Variants in RAP1GAP2 observed in about 807,000 individuals in gnomAD.
The protein encoded by RAP1GAP2 is RAP1 GTPase activating protein 2, also known as rap1 GTPase-activating protein 2.
RAP1GAP2 carries 27 observed loss-of-function variants against 95.0 expected under a neutral mutation model. The observed-to-expected ratio is 0.28, with a 90% CI of 0.21 to 0.39. The LOEUF (loss-of-function observed/expected upper bound fraction) is 0.39. RAP1GAP2 is among the 10% of genes least tolerant of loss of function. RAP1GAP2 has a pLI of 1.00. For missense variants in RAP1GAP2, 771 were observed against 970.0 expected (o/e 0.79, Z 2.72); for synonymous variants, 373 against 380.9 (o/e 0.98, Z 0.24).
At chr17:2,977,397 C>T (rs1458580579) in intron 8 of RAP1GAP2, among the ~76,000 whole-genome samples, 1 of 152,088 alleles carries the variant, frequency 6.6e-6, no homozygotes, top group Non-Finnish European at 1.5e-5. Flanking sequence ...ATGTCACAGA[C>T]TAGTTTTAGC....
At chr17:2,994,141 TG>T (rs1431444414) in intron 12 of RAP1GAP2, among the ~76,000 whole-genome samples, 1 of 152,186 alleles carries the variant, frequency 6.6e-6, no homozygotes. Flanking sequence ...CTTTATTTTA[TG>T]GAGGCCTAGA....
intron 3 of RAP1GAP2, among the ~76,000 whole-genome samples, chr17:2,932,842 A>AAAAAAAACAGG (rs140254643): frequency 1.1e-5 from 1 of 94,170 alleles, no homozygotes; most frequent in Non-Finnish European, 2.0e-5. Flanking sequence ...AAAAAAAAAA[A>AAAAAAAACAGG]AGAGCAGGGA....
chr17:2,957,831 C>G, intron 4 of RAP1GAP2, 37 bp downstream of exon 4: 1 of 1,560,556 alleles, frequency 6.4e-7, no homozygotes, highest in Non-Finnish European at 8.7e-7. Context: ...GGAAGAAGCC[C>G]AGCCCCAGAT....
intron 2 of RAP1GAP2, among the ~76,000 whole-genome samples, chr17:2,884,212 C>G (rs911002029): frequency 1.3e-5 from 2 of 152,136 alleles, no homozygotes; most frequent in Non-Finnish European, 2.9e-5. Context: ...GTACTCAATT[C>G]CAGGCTTTGC....
rs1034668237 is a variant in RAP1GAP2, at chr17:3,004,250, T to G, written c.1201-1119T>G. 5.1e-4 allele frequency among the ~76,000 whole-genome samples: 78 copies of G among 152,240 alleles called. 1 individual carries two copies. The highest frequency in any genetic ancestry group is 2.4e-4 in the Non-Finnish European group (16 of 68,026). On this transcript the variant is annotated intron_variant, in intron 14 of 24. Coordinates refer to ENST00000254695, the MANE Select transcript of RAP1GAP2 (RefSeq NM_015085.5). This position sits in a 1 kb window ranked among gnomAD's most constrained non-coding sequence, Gnocchi z 4.1. ...CGCACCATTTCCTGACTCGGGGCACTGCAGTTTGGGCTGGGCAGACAGCCT... is the reference window on the plus strand; with the variant it reads ...CGCACCATTTCCTGACTCGGGGCACGGCAGTTTGGGCTGGGCAGACAGCCT...
chr17:2,865,071 C>T (rs1250206406), intron 2 of RAP1GAP2, among the ~76,000 whole-genome samples: 1 of 152,174 alleles, frequency 6.6e-6, no homozygotes, highest in Admixed American at 6.6e-5. Context: ...TCCAATGTCA[C>T]CTAGCTCGTA....
intron 18 of RAP1GAP2, among the ~76,000 whole-genome samples, chr17:3,018,931 C>T (rs1456704239): frequency 2.6e-5 from 4 of 152,094 alleles, no homozygotes; most frequent in South Asian, 2.1e-4. Context: ...GGCGTGGTGG[C>T]GGGTGCCTGT....
At chr17:2,760,785 G>A (rs4790095) in intron 1 of RAP1GAP2, among the ~76,000 whole-genome samples, 3 of 151,826 alleles carry the variant, frequency 2.0e-5, no homozygotes, top group African/African-American at 2.4e-5. Context: ...CTTCTCAGAC[G>A]TTCCTTGTTT....
Position 3,005,112 on chromosome 17 carries a change from C to G in RAP1GAP2, c.1201-257C>G, listed in dbSNP as rs911892267. On this transcript the variant is annotated intron_variant, in intron 14 of 24. Coordinates refer to ENST00000254695, the MANE Select transcript of RAP1GAP2 (RefSeq NM_015085.5). The surrounding 1 kb of genome is among the most constrained non-coding windows in gnomAD (Gnocchi z 5.2). ...TGGCATTAAAATTAGGGTCCCAGCC[C>G]TGTCCAGTCATCTTGCCAAACCTGC... Among the ~76,000 whole-genome samples, 2 of 152,196 alleles carry G rather than the reference C, an allele frequency of 1.3e-5. No individual in the cohort carries two copies. Among genetic ancestry groups the G allele is most frequent in the African/African-American group, 4.8e-5 (2 of 41,442 alleles).
At chr17:2,916,251 A>T (rs1290802008) in intron 3 of RAP1GAP2, among the ~76,000 whole-genome samples, 4 of 152,094 alleles carry the variant, frequency 2.6e-5, no homozygotes, top group Admixed American at 6.6e-5. Flanking sequence ...TGCATCAGGG[A>T]TGGAAAATAC....
chr17:2,898,900 C>T (rs769634733), intron 2 of RAP1GAP2, among the ~76,000 whole-genome samples: 8 of 142,504 alleles, frequency 5.6e-5, no homozygotes, highest in Non-Finnish European at 1.1e-4. Flanking sequence ...GATAACCTGA[C>T]CACACAGTGA....
intron 2 of RAP1GAP2, among the ~76,000 whole-genome samples, chr17:2,858,872 A>G (rs997772061): frequency 8.6e-5 from 13 of 152,010 alleles, no homozygotes; most frequent in Admixed American, 8.5e-4. Context: ...AGATAGAGCC[A>G]TTGCACTCCA....
intron 8 of RAP1GAP2, among the ~76,000 whole-genome samples, chr17:2,971,440 T>G (rs933144556): frequency 1.3e-5 from 2 of 152,088 alleles, no homozygotes; most frequent in Non-Finnish European, 2.9e-5. Context: ...TCCTATTAAA[T>G]AAGAAAAAGA....
At chr17:2,988,537 G>A (rs1011372603) in intron 11 of RAP1GAP2, among the ~76,000 whole-genome samples, 7 of 152,204 alleles carry the variant, frequency 4.6e-5, no homozygotes, top group African/African-American at 1.4e-4. Context: ...GTTCTTGGGT[G>A]TATCAATACT....
chr17:2,959,192 C>G (rs1302126580), intron 4 of RAP1GAP2, among the ~76,000 whole-genome samples: 1 of 152,150 alleles, frequency 6.6e-6, no homozygotes, highest in African/African-American at 2.4e-5. Flanking sequence ...TCTCCCCCAG[C>G]TGGAGTCCCC....
At chr17:3,021,595 C>T (rs549737692) in intron 19 of RAP1GAP2, among the ~76,000 whole-genome samples, 7 of 152,242 alleles carry the variant, frequency 4.6e-5, no homozygotes, top group East Asian at 1.9e-4. Flanking sequence ...GCCACCACAC[C>T]GGCTAATTTT....
intron 2 of RAP1GAP2, among the ~76,000 whole-genome samples, chr17:2,824,740 C>CAAA (rs940171590): frequency 8.8e-5 from 5 of 56,608 alleles, no homozygotes; most frequent in African/African-American, 1.7e-4. Flanking sequence ...AACTCTGTCT[C>CAAA]AAAAAAAAAA....
At chr17:2,784,301 C>T (rs1435709412) in intron 1 of RAP1GAP2, among the ~76,000 whole-genome samples, 10 of 140,868 alleles carry the variant, frequency 7.1e-5, no homozygotes, top group Admixed American at 2.1e-4. Context: ...GACAGAGTCT[C>T]GCTCTGTCGC....
chr17:2,830,594 G>A (rs9908732), intron 2 of RAP1GAP2, among the ~76,000 whole-genome samples: 77,832 of 150,664 alleles, frequency 0.52, 20,407 homozygotes, highest in Non-Finnish European at 0.58. Flanking sequence ...GGCGCCTGTA[G>A]TCCCAGCTAC....
Sources: allele counts gnomAD v4.1 joint callset (sites outside exome capture counted in the v4.1 genomes callset), GRCh38; gene constraint gnomAD v4.1.1; non-coding constraint Gnocchi (gnomAD v3.1); transcripts MANE v1.5; gene names NCBI Gene and HGNC (gene_info 2026-07-23, HGNC 2026-07-21).